ZCCHC8: variants seen among roughly 807,000 people sequenced by gnomAD.
The protein encoded by ZCCHC8 is zinc finger CCHC-type containing 8.
Under a neutral mutation model 70.6 loss-of-function variants are expected in ZCCHC8, and 27 were observed. That is an observed-to-expected ratio of 0.38 (90% CI 0.28 to 0.53). ZCCHC8 has a LOEUF of 0.53. ZCCHC8 is among the 20% of genes least tolerant of loss of function. The pLI is 0.81. For missense variants in ZCCHC8, 737 were observed against 876.9 expected, an observed-to-expected ratio of 0.84 and a Z score of 2.01; for synonymous variants, 293 against 317.4, an observed-to-expected ratio of 0.92 and a Z score of 0.82.
intron 2 of ZCCHC8, among the ~76,000 whole-genome samples, chr12:122,493,767 C>T (rs1223884735): frequency 7.9e-5 from 12 of 151,936 alleles, no homozygotes; most frequent in Admixed American, 7.9e-4. Context: ...CGCCTGCGAC[C>T]ATGCCCAGCT....
intron 4 of ZCCHC8, among the ~76,000 whole-genome samples, chr12:122,489,980 T>TA (rs201958297): frequency 0.059 from 8,002 of 135,114 alleles, 681 homozygotes; most frequent in African/African-American, 0.19. Context: ...TAATTTTTAA[T>TA]AAAAAAAAAA....
rs1313974692 is a variant in ZCCHC8 at position 122,472,541 on chromosome 12, C to A, written c.*956G>T. 1 of 152,186 alleles carries A rather than the reference C, an allele frequency of 6.6e-6. No homozygotes were observed. Among genetic ancestry groups the A allele is most frequent in the African/African-American group, 2.4e-5 (1 of 41,458 alleles). The allele number at this position is 152,186 out of a possible 1,614,324, so 9.4% of individuals were successfully genotyped here. ...CTTTTAAACTTAAAAGTTATATGCA[C>A]CGGCCAGGTGAGGTGGCTTACGCCT... On this transcript the variant is annotated 3_prime_UTR_variant, in exon 14 of 14. Coordinates refer to ENST00000633063, the MANE Select transcript of ZCCHC8 (RefSeq NM_017612.5).
intron 5 of ZCCHC8, among the ~76,000 whole-genome samples, chr12:122,484,759 T>C (rs1345273753): frequency 6.6e-6 from 1 of 152,106 alleles, no homozygotes; most frequent in African/African-American, 2.4e-5. Flanking sequence ...TACATATCAC[T>C]GGGCTGAGCT....
At chr12:122,496,806 C>T (rs1957832760) in intron 2 of ZCCHC8, among the ~76,000 whole-genome samples, 1 of 152,046 alleles carries the variant, frequency 6.6e-6, no homozygotes, top group African/African-American at 2.4e-5. Context: ...TTTAGATACA[C>T]AAAGTTAGCT....
chr12:122,477,188 A>G (rs2137324404), intron 13 of ZCCHC8, among the ~76,000 whole-genome samples: 1 of 148,526 alleles, frequency 6.7e-6, no homozygotes, highest in Non-Finnish European at 1.5e-5. Flanking sequence ...GGAGGCTCAC[A>G]CTTTCGCCAA....
In ZCCHC8 at chr12:122,474,191, CG is replaced by C; in HGVS notation, c.1429del (p.Arg477GlyfsTer19). 6.6e-7 allele frequency: 1 copy of C among 1,510,554 alleles called. No individual in the cohort carries two copies. The highest frequency in any genetic ancestry group is 8.8e-7 in the Non-Finnish European group (1 of 1,138,488). 93.6% of individuals were successfully genotyped at this position (1,510,554 alleles called of 1,614,324 possible). On this transcript the variant is annotated frameshift_variant, in exon 14 of 14. Transcript: ENST00000633063. LOFTEE classifies it low-confidence loss of function (END_TRUNC). ...PLPPDTPPLP[R>X]GTPPPVFTPP... ...GGTGAAGACGGGTGGAGGAGTTCCC[CG>C]GGGGAGTGGAGGAGTGTCAGGAGGT...
chr12:122,494,335 C>A (rs557015835), intron 2 of ZCCHC8, among the ~76,000 whole-genome samples: 1 of 151,306 alleles, frequency 6.6e-6, no homozygotes, highest in Non-Finnish European at 1.5e-5. Flanking sequence ...GGGTGGATCA[C>A]GAGGTCAGGA....
chr12:122,487,545 TTTTTC>T (rs1398281589), intron 5 of ZCCHC8, among the ~76,000 whole-genome samples: 2 of 152,210 alleles, frequency 1.3e-5, no homozygotes, highest in Non-Finnish European at 2.9e-5. Context: ...TCACTTGTTT[TTTTTC>T]TTTTTTCTTT....
intron 2 of ZCCHC8, among the ~76,000 whole-genome samples, chr12:122,497,081 G>C (rs1315716181): frequency 6.6e-6 from 1 of 151,882 alleles, no homozygotes; most frequent in Non-Finnish European, 1.5e-5. Flanking sequence ...TTGAACCCAG[G>C]AGGTGGAGGC....
At chr12:122,489,891 C>A (rs1358865047) in intron 4 of ZCCHC8, among the ~76,000 whole-genome samples, 1 of 151,672 alleles carries the variant, frequency 6.6e-6, no homozygotes, top group Non-Finnish European at 1.5e-5. Flanking sequence ...CAATAAAAAA[C>A]GTAATCAATC....
intron 11 of ZCCHC8, 35 bp from the exon 12 acceptor site, chr12:122,478,327 T>C (rs765906709): frequency 5.5e-6 from 8 of 1,455,060 alleles, no homozygotes; most frequent in East Asian, 4.8e-5. Context: ...AAAAAACACA[T>C]GTATTTGGAA....
rs1471444916 is a variant in ZCCHC8 at position 122,472,356 on chromosome 12, TACC to T, written c.*1138_*1140del. ...CCGAGTAGCTGGGATTACAGGCATG[TACC>T]ACCACACCTGGCTAATTTTTGTATT... is the stretch of plus-strand genomic sequence containing the variant. On this transcript the variant is annotated 3_prime_UTR_variant, in exon 14 of 14. Coordinates refer to ENST00000633063, the MANE Select transcript of ZCCHC8 (RefSeq NM_017612.5). 6.6e-6 allele frequency: 1 copy of T among 152,026 alleles called. No individual in the cohort carries two copies. Among genetic ancestry groups the T allele is most frequent in the South Asian group, 2.1e-4 (1 of 4,820 alleles). 9.4% of individuals were successfully genotyped at this position (152,026 alleles called of 1,614,324 possible).
rs542403695 is a variant in ZCCHC8 at position 122,473,660 on chromosome 12, G to C, written c.1961C>G (p.Thr654Ser). 6.2e-7 allele frequency: 1 copy of C among 1,613,862 alleles called. No individual in the cohort carries two copies. The highest frequency in any genetic ancestry group is 1.3e-5 in the African/African-American group (1 of 74,896). The change falls in exon 14 of 14, where the codon ACT becomes AGT. Residue 654 changes from threonine (T) to serine (S), a missense_variant. Physicochemically the swap from Thr to Ser is moderately conservative, Grantham distance 58 (BLOSUM62 1). Coordinates refer to ENST00000633063, the MANE Select transcript of ZCCHC8 (RefSeq NM_017612.5). The part of the protein sequence containing the change: ...FPADTSPSTA[T>S]KIHSPIPDMS... ...GTCAGGTATAGGGCTATGAATTTTAGTGGCCGTTGAAGGACTGGTGTCTGC... is the reference window on the plus strand; with the variant it reads ...GTCAGGTATAGGGCTATGAATTTTACTGGCCGTTGAAGGACTGGTGTCTGC...
intron 5 of ZCCHC8, among the ~76,000 whole-genome samples, chr12:122,485,213 C>T (rs1372620504): frequency 1.3e-5 from 2 of 152,122 alleles, no homozygotes; most frequent in Non-Finnish European, 2.9e-5. Context: ...CTCCTGGGTT[C>T]AAGCGATTCT....
chr12:122,483,315 G>C lies in ZCCHC8; in HGVS notation c.635C>G (p.Ser212Cys), dbSNP rs1172580064. The change falls in exon 7 of 14, where the codon TCT (serine) becomes TGT (cysteine). Residue 212 changes from serine to cysteine, a missense_variant. Coordinates refer to ENST00000633063, the MANE Select transcript of ZCCHC8 (RefSeq NM_017612.5). This position sits in a 1 kb window ranked among gnomAD's most constrained non-coding sequence, Gnocchi z 4.4. ...TACTTGTATTTCTTGCCCTTCTAGA[G>C]AAACAATGTGGCTGAAGACTTGATG... Reference protein sequence around the residue: ...KYHQVFSHIVSLEGQEIQVKA... With the variant: ...KYHQVFSHIVCLEGQEIQVKA... 3 of 1,600,656 alleles carry C rather than the reference G, an allele frequency of 1.9e-6. No individual in the cohort carries two copies. The highest frequency in any genetic ancestry group is 2.6e-6 in the Non-Finnish European group (3 of 1,172,744).
In ZCCHC8 at chr12:122,500,929, C is replaced by A. The variant is rs2137383104; in HGVS notation, c.-89G>T. ...TGGAAGGCGGCACCACTCTCTAGAG[C>A]TCTGGCCGCACGGAGCCACCCGCTA... On this transcript the variant is annotated 5_prime_UTR_variant, in exon 1 of 14. Transcript: ENST00000633063. The surrounding 1 kb of genome is among the most constrained non-coding windows in gnomAD (Gnocchi z 4.8). 33 of 1,398,566 alleles carry A rather than the reference C, an allele frequency of 2.4e-5. 1 individual carries two copies. The South Asian group carries it at 4.0e-4, about 17-fold the overall frequency. 86.6% of individuals were successfully genotyped at this position (1,398,566 alleles called of 1,614,324 possible).
At chr12:122,485,886 A>G (rs1452490427) in intron 5 of ZCCHC8, among the ~76,000 whole-genome samples, 1 of 152,032 alleles carries the variant, frequency 6.6e-6, no homozygotes, top group Non-Finnish European at 1.5e-5. Context: ...AACCTGAGTC[A>G]CTCCGATGAC....
At chr12:122,474,472 T>C (rs1957378153) in intron 13 of ZCCHC8, among the ~76,000 whole-genome samples, 197 bp from the exon 14 acceptor site, 3 of 152,168 alleles carry the variant, frequency 2.0e-5, no homozygotes, top group Admixed American at 6.6e-5. Context: ...TCTGCAGGGA[T>C]AGCTGTCAGG....
intron 5 of ZCCHC8, among the ~76,000 whole-genome samples, chr12:122,485,927 A>T (rs1277053136): frequency 2.0e-5 from 3 of 152,036 alleles, no homozygotes; most frequent in Middle Eastern, 6.3e-3. Flanking sequence ...CGTCCAATTC[A>T]TCAACACATT....
Sources: allele counts gnomAD v4.1 joint callset (sites outside exome capture counted in the v4.1 genomes callset), GRCh38; gene constraint gnomAD v4.1.1; non-coding constraint Gnocchi (gnomAD v3.1); transcripts MANE v1.5; gene names NCBI Gene and HGNC (gene_info 2026-07-23, HGNC 2026-07-21).